The following SPIDR variants were observed in gnomAD, a reference collection of about 807,000 sequenced individuals.
The protein encoded by SPIDR is scaffold protein involved in DNA repair.
In SPIDR, 93 loss-of-function variants were observed where a neutral mutation model predicts 104.6. That is an observed-to-expected ratio of 0.89 (90% confidence interval 0.75 to 1.06). SPIDR has a LOEUF of 1.06. SPIDR is among the 50% of genes least tolerant of loss of function. The probability of loss-of-function intolerance (pLI) is 0.00; values close to 1 mark genes in which losing one functional copy is unlikely to be tolerated. For missense variants in SPIDR, 1,154 were observed against 1,111.2 expected (o/e 1.04, Z -0.55); for synonymous variants, 431 against 416.9 (o/e 1.03, Z -0.41).
Position 47,261,008 on chromosome 8 carries a change from G to A in SPIDR, c.33+17G>A, listed in dbSNP as rs546840088. Reference sequence around the variant, plus strand: ...GGCTCTAAGGTAGGCTCTGGGGCGGGAGTGGGCGCCGCGCCGTTTCCCGCG... The same window carrying A: ...GGCTCTAAGGTAGGCTCTGGGGCGGAAGTGGGCGCCGCGCCGTTTCCCGCG... On this transcript the variant is annotated intron_variant, in intron 1 of 19. Transcript: ENST00000297423. The A allele has an allele frequency of 1.7e-3, 2,126 of 1,227,980 alleles. 4 individuals are homozygous for A. Among genetic ancestry groups the A allele is most frequent in the Non-Finnish European group, 2.0e-3 (1,974 of 985,326 alleles). 76.1% of individuals were successfully genotyped at this position (1,227,980 alleles called of 1,614,324 possible). A position where few individuals can be genotyped will look rare whatever the true frequency, so the allele number is the denominator to read the frequency against.
rs772394349 is a variant in SPIDR at position 47,679,298 on chromosome 8, AG to A, written c.1685+5358del. ...AGAACATCATGCCATTCATATGAGG[AG>A]CCCTCCAGTGCATCATAGATGCATC... On this transcript the variant is annotated intron_variant, in intron 11 of 19. Transcript: ENST00000297423. Among the ~76,000 whole-genome samples the A allele has an allele frequency of 3.9e-5, 6 of 152,338 alleles. No individual in the cohort carries two copies. The East Asian group carries it at 1.2e-3, about 29-fold the overall frequency.
intron 14 of SPIDR, among the ~76,000 whole-genome samples, chr8:47,706,206 C>T (rs1021840430): frequency 3.3e-5 from 5 of 152,072 alleles, no homozygotes; most frequent in African/African-American, 4.8e-5. Context: ...TCCTGGCTAA[C>T]ATGGTGAAAC....
At chr8:47,426,225 G>T (rs576452981) in intron 7 of SPIDR, among the ~76,000 whole-genome samples, 3 of 152,296 alleles carry the variant, frequency 2.0e-5, no homozygotes, top group African/African-American at 7.2e-5. Context: ...TTGCACTACA[G>T]CCTGGGCAAC....
intron 8 of SPIDR, among the ~76,000 whole-genome samples, chr8:47,541,448 A>T (rs769738275): frequency 7.2e-5 from 11 of 152,228 alleles, no homozygotes; most frequent in Non-Finnish European, 1.2e-4. Context: ...TGAATAGAAG[A>T]ACTTTTAAAA....
At chr8:47,696,503 T>C (rs1419494186) in intron 11 of SPIDR, among the ~76,000 whole-genome samples, 1 of 152,244 alleles carries the variant, frequency 6.6e-6, no homozygotes, top group Non-Finnish European at 1.5e-5. Flanking sequence ...TCTGTCTTTG[T>C]AAATTTTTCT....
chr8:47,731,336 C>T (rs2085198614), intron 19 of SPIDR, among the ~76,000 whole-genome samples: 1 of 152,158 alleles, frequency 6.6e-6, no homozygotes, highest in Non-Finnish European at 1.5e-5. Flanking sequence ...CGAGCTCCAG[C>T]TCGGAATTGT....
intron 10 of SPIDR, among the ~76,000 whole-genome samples, chr8:47,657,671 TTC>T (rs1330241733): frequency 2.0e-5 from 3 of 151,922 alleles, no homozygotes; most frequent in East Asian, 3.9e-4. Flanking sequence ...TGTACAGGGG[TTC>T]TCTCTGTGGT....
At chr8:47,655,201 C>A (rs1021909427) in intron 10 of SPIDR, among the ~76,000 whole-genome samples, 1 of 152,142 alleles carries the variant, frequency 6.6e-6, no homozygotes, top group Admixed American at 6.5e-5. Flanking sequence ...GTGCATGTGT[C>A]TTTATAGCAG....
At chr8:47,412,843 C>T (rs1161596651) in intron 7 of SPIDR, among the ~76,000 whole-genome samples, 2 of 152,168 alleles carry the variant, frequency 1.3e-5, no homozygotes, top group African/African-American at 4.8e-5. Context: ...TAAATAGTTT[C>T]TGTTTAATTT....
At chr8:47,294,136 C>A in intron 5 of SPIDR, 106 bp downstream of exon 5, 1 of 1,390,804 alleles carries the variant, frequency 7.2e-7, no homozygotes, top group Non-Finnish European at 9.7e-7. Context: ...TCGAGAACAA[C>A]CACTTTTGAC....
At chr8:47,289,077 A>G (rs903554970) in intron 3 of SPIDR, among the ~76,000 whole-genome samples, 1 of 152,106 alleles carries the variant, frequency 6.6e-6, no homozygotes, top group East Asian at 1.9e-4. Context: ...TGGTGCAGTC[A>G]TAGCTCACTG....
chr8:47,531,433 TAGAAATATATCCATG>T (rs547526481), intron 8 of SPIDR, among the ~76,000 whole-genome samples: 49 of 152,316 alleles, frequency 3.2e-4, no homozygotes, highest in Non-Finnish European at 6.2e-4. Context: ...TCATTCCTTT[TAGAAATATATCCATG>T]GTAGATCACT....
At chr8:47,430,269 G>A (rs2067129140) in intron 7 of SPIDR, among the ~76,000 whole-genome samples, 1 of 152,138 alleles carries the variant, frequency 6.6e-6, no homozygotes, top group African/African-American at 2.4e-5. Context: ...AATGCCATGG[G>A]AAGATGGCAG....
At chr8:47,461,662 A>ATCC (rs2073958379) in intron 8 of SPIDR, among the ~76,000 whole-genome samples, 1 of 152,066 alleles carries the variant, frequency 6.6e-6, no homozygotes, top group African/African-American at 2.4e-5. Context: ...AGTTAATTCA[A>ATCC]AAACCTTGTC....
intron 8 of SPIDR, among the ~76,000 whole-genome samples, chr8:47,489,872 A>T (rs982160100): frequency 2.0e-5 from 3 of 152,192 alleles, no homozygotes; most frequent in African/African-American, 7.2e-5. Flanking sequence ...TAAAGACTTA[A>T]ATGTTAGACC....
chr8:47,648,846 T>C (rs1483424616), intron 10 of SPIDR, among the ~76,000 whole-genome samples: 1 of 152,066 alleles, frequency 6.6e-6, no homozygotes, highest in East Asian at 1.9e-4. Context: ...TATAAACCAT[T>C]CAGTAAGACT....
chr8:47,390,745 A>G (rs1309249677), intron 5 of SPIDR, among the ~76,000 whole-genome samples: 3 of 152,254 alleles, frequency 2.0e-5, no homozygotes, highest in African/African-American at 7.2e-5. Flanking sequence ...TATTTCTCAA[A>G]GAATTTTTCC....
chr8:47,312,516 T>C (rs1554586245), intron 5 of SPIDR, among the ~76,000 whole-genome samples: 1 of 152,214 alleles, frequency 6.6e-6, no homozygotes, highest in African/African-American at 2.4e-5. Context: ...CATAAATGTC[T>C]TCTTTTGAGA....
Position 47,605,486 on chromosome 8 carries a change from G to T in SPIDR, c.1544+6290G>T, listed in dbSNP as rs565300145. On this transcript the variant is annotated intron_variant, in intron 10 of 19. Transcript: ENST00000297423. ...ATGTCCAAATTTACATAGAACAAAA[G>T]AACTGCAATGAGGGCATTCTGTCTC... 1.3e-4 allele frequency among the ~76,000 whole-genome samples: 20 copies of T among 152,306 alleles called. No homozygotes were observed. The South Asian group carries it at 3.1e-3, about 24-fold the overall frequency.
Sources: gnomAD v4.1 joint callset for allele counts (sites outside exome capture counted in the v4.1 genomes callset) on GRCh38, gnomAD v4.1.1 for gene constraint, MANE v1.5 for transcripts, NCBI Gene and HGNC (gene_info 2026-07-23, HGNC 2026-07-21) for gene names.